Variants in IGF2BP2 observed in about 807,000 individuals in gnomAD.
The protein encoded by IGF2BP2 is insulin-like growth factor 2 mRNA-binding protein 2.
A neutral mutation model predicts 75.8 loss-of-function variants in IGF2BP2; 17 were observed. The ratio of observed to expected loss-of-function variants is 0.22; its 90% CI spans 0.15 to 0.34. The LOEUF is 0.34. Ranked by LOEUF, IGF2BP2 falls within the 10% of genes least tolerant of loss-of-function variation. The pLI is 1.00. For missense variants in IGF2BP2, 516 were observed against 772.4 expected (o/e 0.67, Z 3.93); for synonymous variants, 288 against 295.6 (o/e 0.97, Z 0.26).
intron 2 of IGF2BP2, among the ~76,000 whole-genome samples, chr3:185,706,633 G>C (rs1232838670): frequency 6.6e-6 from 1 of 152,034 alleles, no homozygotes; most frequent in Non-Finnish European, 1.5e-5. Flanking sequence ...GTAACAGGAA[G>C]GTTAAAACCA....
In IGF2BP2 at chr3:185,674,365, A is replaced by G. The variant is rs1272136085; in HGVS notation, c.1071+931T>C. On this transcript the variant is annotated intron_variant, in intron 9 of 15. Transcript: ENST00000382199. ...ATCCATTCACTTTTGTATACATCCAAAAAAATCTAATTAAAAAGTGAAAAA... is the reference window on the plus strand; with the variant it reads ...ATCCATTCACTTTTGTATACATCCAGAAAAATCTAATTAAAAAGTGAAAAA... 2.0e-5 allele frequency among the ~76,000 whole-genome samples: 3 copies of G among 152,186 alleles called. No homozygotes were observed. The East Asian group carries it at 5.8e-4, about 29-fold the overall frequency.
chr3:185,689,635 G>A lies in IGF2BP2; in HGVS notation c.405-8C>T, dbSNP rs1452407299. On this transcript the variant is annotated splice_polypyrimidine_tract_variant and splice_region_variant and intron_variant, in intron 5 of 15. Coordinates refer to ENST00000382199, the MANE Select transcript of IGF2BP2 (RefSeq NM_006548.6). Reference sequence around the variant, plus strand: ...CTTAGCTTCTCCATGGCTCTGAAATGCAGCAGGACAGGGGAGCTTCGTCAG... The same window carrying A: ...CTTAGCTTCTCCATGGCTCTGAAATACAGCAGGACAGGGGAGCTTCGTCAG... The A allele has an allele frequency of 1.2e-6, 2 of 1,614,010 alleles. No homozygotes were observed. The highest frequency in any genetic ancestry group is 1.7e-5 in the Admixed American group (1 of 60,026).
chr3:185,823,286 C>T, intron 1 of IGF2BP2, 73 bp from the exon 2 acceptor site: 1 of 1,151,288 alleles, frequency 8.7e-7, no homozygotes, highest in Non-Finnish European at 1.3e-6. Flanking sequence ...GGGGCACGCA[C>T]GGAACTCCAC....
chr3:185,665,703 A>G (rs1041713679), intron 10 of IGF2BP2, among the ~76,000 whole-genome samples: 2 of 152,208 alleles, frequency 1.3e-5, no homozygotes, highest in Non-Finnish European at 2.9e-5. Flanking sequence ...ACGGCGGCTC[A>G]CACCTGTAAT....
chr3:185,797,623 G>A (rs1425624573), intron 2 of IGF2BP2, among the ~76,000 whole-genome samples: 1 of 152,138 alleles, frequency 6.6e-6, no homozygotes, highest in Non-Finnish European at 1.5e-5. Flanking sequence ...CTTTTCACAG[G>A]CCAGGAGCAG....
chr3:185,702,609 G>A (rs937779902), intron 2 of IGF2BP2, among the ~76,000 whole-genome samples: 8 of 152,108 alleles, frequency 5.3e-5, no homozygotes, highest in East Asian at 1.9e-4. Flanking sequence ...TATTACAGCC[G>A]TCTCCCAGCT....
At chr3:185,675,119 G>T in intron 9 of IGF2BP2, 177 bp downstream of exon 9, 1 of 439,896 alleles carries the variant, frequency 2.3e-6, no homozygotes, top group Non-Finnish European at 3.9e-6. Flanking sequence ...TTCACGTGAT[G>T]TTGTCCAGCG....
At chr3:185,662,989 T>C (rs1295307710) in intron 10 of IGF2BP2, among the ~76,000 whole-genome samples, 1 of 152,176 alleles carries the variant, frequency 6.6e-6, no homozygotes, top group Admixed American at 6.5e-5. Context: ...CCCATTCCCA[T>C]ACTTTCTGTT....
intron 2 of IGF2BP2, among the ~76,000 whole-genome samples, chr3:185,815,542 C>T (rs1362728557): frequency 6.6e-6 from 1 of 152,176 alleles, no homozygotes; most frequent in Non-Finnish European, 1.5e-5. Flanking sequence ...CGGATCTCTT[C>T]AGGCTGTGGG....
chr3:185,710,986 A>C (rs1724715202), intron 2 of IGF2BP2, among the ~76,000 whole-genome samples: 1 of 152,186 alleles, frequency 6.6e-6, no homozygotes, highest in South Asian at 2.1e-4. Context: ...ACCTAATGTC[A>C]CGTGATTTAA....
chr3:185,823,121 C>G (rs760277215), intron 2 of IGF2BP2, 32 bp downstream of exon 2: 1 of 1,468,462 alleles, frequency 6.8e-7, no homozygotes, highest in Non-Finnish European at 9.3e-7. Flanking sequence ...TAAGGCCAAT[C>G]GCAAAAAAAA....
At chr3:185,776,053 G>A (rs1475523916) in intron 2 of IGF2BP2, among the ~76,000 whole-genome samples, 1 of 152,126 alleles carries the variant, frequency 6.6e-6, no homozygotes, top group East Asian at 1.9e-4. Flanking sequence ...AGACGAACCT[G>A]GACAACACAG....
chr3:185,675,267 C>A, intron 9 of IGF2BP2, 29 bp downstream of exon 9: 1 of 1,593,338 alleles, frequency 6.3e-7, no homozygotes, highest in Non-Finnish European at 8.5e-7. Flanking sequence ...TAGTGAAAAC[C>A]AGCGGAGAAG....
rs1194554577 is a variant in IGF2BP2, at chr3:185,665,497, G to A, written c.1200+7044C>T. 2.2e-3 allele frequency among the ~76,000 whole-genome samples: 82 copies of A among 36,544 alleles called. 1 individual carries two copies. The highest frequency in any genetic ancestry group is 3.6e-3 in the Admixed American group (15 of 4,204). 24.0% of individuals were successfully genotyped at this position (36,544 alleles called of 152,430 possible). ...GAAGGAGAAGAAGGAGGAGAAGGAG[G>A]AGGAGAAGGAGGAGGAGGAGAAGGA... On this transcript the variant is annotated intron_variant, in intron 10 of 15. Transcript: ENST00000382199.
At chr3:185,784,507 T>C (rs1231459305) in intron 2 of IGF2BP2, among the ~76,000 whole-genome samples, 1 of 152,170 alleles carries the variant, frequency 6.6e-6, no homozygotes, top group Non-Finnish European at 1.5e-5. Flanking sequence ...CACTGCTCTT[T>C]AGGGGCCCTC....
intron 2 of IGF2BP2, among the ~76,000 whole-genome samples, chr3:185,712,992 G>C (rs1484659492): frequency 1.3e-5 from 2 of 152,114 alleles, no homozygotes; most frequent in Non-Finnish European, 2.9e-5. Context: ...CTGGTGTCCA[G>C]ATTTTGAAAG....
At chr3:185,717,626 T>G (rs1195814412) in intron 2 of IGF2BP2, 1 of 152,188 alleles carries the variant, frequency 6.6e-6, no homozygotes, top group Non-Finnish European at 1.5e-5. Flanking sequence ...AAACAAGAGT[T>G]CCAAGAGAAA....
In IGF2BP2 at chr3:185,814,450, C is replaced by A. The variant is rs551529068; in HGVS notation, c.239+8703G>T. ...AATCCAAAAATACTATATAGCCTAT[C>A]CTCACATGAGCTTTTTCAAAAACAC... On this transcript the variant is annotated intron_variant, in intron 2 of 15. Coordinates refer to ENST00000382199, the MANE Select transcript of IGF2BP2 (RefSeq NM_006548.6). 3.9e-4 allele frequency among the ~76,000 whole-genome samples: 59 copies of A among 152,272 alleles called. 1 individual carries two copies. The highest frequency in any genetic ancestry group is 1.3e-3 in the African/African-American group (55 of 41,544).
At chr3:185,676,538 T>G (rs149227675) in intron 7 of IGF2BP2, among the ~76,000 whole-genome samples, 1 of 152,026 alleles carries the variant, frequency 6.6e-6, no homozygotes, top group East Asian at 1.9e-4. Context: ...TAGCCAGGCA[T>G]AGTGGTGCAT....
Sources: allele counts gnomAD v4.1 joint callset (sites outside exome capture counted in the v4.1 genomes callset), GRCh38; gene constraint gnomAD v4.1.1; transcripts MANE v1.5; gene names NCBI Gene and HGNC (gene_info 2026-07-23, HGNC 2026-07-21).